The following GPC6 variants were observed in gnomAD, a reference collection of about 807,000 sequenced individuals.
The protein encoded by GPC6 is glypican-6.
In GPC6, 14 loss-of-function variants were observed where a neutral mutation model predicts 55.2. The ratio of observed to expected loss-of-function variants is 0.25; its 90% CI spans 0.17 to 0.40. The LOEUF is 0.40. GPC6 is among the 10% of genes least tolerant of loss of function. The probability of loss-of-function intolerance (pLI) is 1.00; values close to 1 mark genes in which losing one functional copy is unlikely to be tolerated. For synonymous variants in GPC6, 278 were observed against 259.6 expected (o/e 1.07, Z -0.68); for missense variants, 641 against 708.5 (o/e 0.90, Z 1.08).
At chr13:94,001,768 T>C (rs1318737614) in intron 3 of GPC6, among the ~76,000 whole-genome samples, 4 of 151,944 alleles carry the variant, frequency 2.6e-5, no homozygotes, top group Non-Finnish European at 5.9e-5. Context: ...AAAAGAACCA[T>C]CAAAAAGAAA....
chr13:93,817,297 T>C (rs1228435763), intron 2 of GPC6, among the ~76,000 whole-genome samples: 1 of 152,232 alleles, frequency 6.6e-6, no homozygotes, highest in Non-Finnish European at 1.5e-5. Flanking sequence ...CTTTTAAATA[T>C]TCTTTAAAAA....
chr13:94,186,615 G>T (rs1277755043), intron 4 of GPC6, among the ~76,000 whole-genome samples: 1 of 152,136 alleles, frequency 6.6e-6, no homozygotes, highest in Non-Finnish European at 1.5e-5. Context: ...TAGCCTACCA[G>T]CCTCAAGTGG....
chr13:93,891,034 A>G (rs1227467528), intron 3 of GPC6, among the ~76,000 whole-genome samples: 4 of 152,150 alleles, frequency 2.6e-5, no homozygotes, highest in South Asian at 2.1e-4. Context: ...TGAACCTATC[A>G]GTGGAAATAC....
chr13:93,262,514 T>TA (rs887413905), intron 1 of GPC6, among the ~76,000 whole-genome samples: 8 of 152,358 alleles, frequency 5.3e-5, no homozygotes, highest in African/African-American at 1.9e-4. Context: ...ACTCAAGTGA[T>TA]AAAAACGGAT....
the GPC6 span, among the ~76,000 whole-genome samples, chr13:93,218,114 C>CTTT: frequency 0.041 from 5,951 of 144,976 alleles, 164 homozygotes; most frequent in Non-Finnish European, 0.053. Context: ...CTAGCTCAGA[C>CTTT]TTTTTTTTTT....
chr13:93,711,058 C>T (rs1458049758), intron 2 of GPC6, among the ~76,000 whole-genome samples: 2 of 151,716 alleles, frequency 1.3e-5, no homozygotes, highest in Non-Finnish European at 2.9e-5. Flanking sequence ...AAATTCATTA[C>T]AGATTAATGA....
intron 1 of GPC6, among the ~76,000 whole-genome samples, chr13:93,228,751 A>G (rs1469373562): frequency 6.6e-6 from 1 of 152,232 alleles, no homozygotes; most frequent in African/African-American, 2.4e-5. Context: ...CAGATCGTCA[A>G]GTCAAAACGC....
rs146601294 is a variant in GPC6, at chr13:93,997,581, A to ATGTGTGTGTG, written c.712-30131_712-30122dup. On this transcript the variant is annotated intron_variant, in intron 3 of 8. Coordinates refer to ENST00000377047, the MANE Select transcript of GPC6 (RefSeq NM_005708.5). The stretch of plus-strand genomic sequence containing the variant: ...TCACATCAGCATAAAAAGACATAAT[A>ATGTGTGTGTG]TGTGTGTGTGTGTGTGTGTGTGTGT... 1.6e-3 allele frequency among the ~76,000 whole-genome samples: 232 copies of ATGTGTGTGTG among 148,926 alleles called. 2 individuals carry two copies. Among genetic ancestry groups the ATGTGTGTGTG allele is most frequent in the African/African-American group, 5.4e-3 (222 of 40,756 alleles).
At chr13:94,008,200 T>C (rs1271831289) in intron 3 of GPC6, among the ~76,000 whole-genome samples, 1 of 152,128 alleles carries the variant, frequency 6.6e-6, no homozygotes, top group East Asian at 1.9e-4. Context: ...ACTCTGAACT[T>C]TGTAATTGCA....
chr13:93,234,840 A>G (rs919482399), intron 1 of GPC6, among the ~76,000 whole-genome samples: 2 of 152,124 alleles, frequency 1.3e-5, no homozygotes, highest in African/African-American at 4.8e-5. Context: ...ACAAAACTCA[A>G]TATCATTAAA....
chr13:93,545,442 T>G (rs1031831635), intron 2 of GPC6, 21 bp downstream of exon 2: 9 of 1,600,712 alleles, frequency 5.6e-6, no homozygotes, highest in Non-Finnish European at 7.7e-6. Context: ...TGGTTTTCAC[T>G]TCAGTTTGTT....
intron 4 of GPC6, among the ~76,000 whole-genome samples, chr13:94,256,532 C>T (rs1214857112): frequency 6.6e-6 from 1 of 152,136 alleles, no homozygotes; most frequent in Non-Finnish European, 1.5e-5. Context: ...TATGGCATGG[C>T]CCATCTGCTA....
chr13:93,887,304 G>T (rs897725079), intron 3 of GPC6, among the ~76,000 whole-genome samples: 1 of 152,030 alleles, frequency 6.6e-6, no homozygotes, highest in Non-Finnish European at 1.5e-5. Context: ...ATATAGTCAA[G>T]AGTGATCTCA....
intron 2 of GPC6, among the ~76,000 whole-genome samples, chr13:93,649,240 C>G (rs372932340): frequency 6.6e-6 from 1 of 152,120 alleles, no homozygotes; most frequent in Admixed American, 6.6e-5. Flanking sequence ...TGCTTGAGCT[C>G]ACGAGTTCGA....
chr13:93,441,787 G>C (rs1877814288), intron 1 of GPC6, among the ~76,000 whole-genome samples: 1 of 152,154 alleles, frequency 6.6e-6, no homozygotes. Flanking sequence ...GTCCTGAATG[G>C]TATTGCCTAG....
At chr13:93,588,400 G>C (rs905306783) in intron 2 of GPC6, among the ~76,000 whole-genome samples, 25 of 134,998 alleles carry the variant, frequency 1.9e-4, no homozygotes, top group African/African-American at 6.7e-4. Context: ...GTGTGTGTGT[G>C]TATTTGATTA....
the GPC6 span, among the ~76,000 whole-genome samples, chr13:93,217,461 A>AGT: frequency 1.1e-4 from 17 of 152,220 alleles, no homozygotes; most frequent in Non-Finnish European, 2.1e-4. Flanking sequence ...CGAGTGTAAA[A>AGT]GTAAAAATGA....
chr13:93,666,849 G>A (rs1356901682), intron 2 of GPC6, among the ~76,000 whole-genome samples: 1 of 152,094 alleles, frequency 6.6e-6, no homozygotes, highest in African/African-American at 2.4e-5. Context: ...TATGGTTTAT[G>A]CTGTCTGCTG....
intron 2 of GPC6, among the ~76,000 whole-genome samples, chr13:93,564,660 T>C (rs993516407): frequency 3.4e-4 from 51 of 152,176 alleles, no homozygotes; most frequent in Non-Finnish European, 5.1e-4. Context: ...TAATTTTTTT[T>C]CCCTTCTTCT....
Sources: allele counts gnomAD v4.1 joint callset (sites outside exome capture counted in the v4.1 genomes callset), GRCh38; gene constraint gnomAD v4.1.1; transcripts MANE v1.5; gene names NCBI Gene and HGNC (gene_info 2026-07-23, HGNC 2026-07-21).